CFTR: variants seen among roughly 807,000 people sequenced by gnomAD.
CFTR encodes the protein cystic fibrosis transmembrane conductance regulator.
A neutral mutation model predicts 171.6 loss-of-function variants in CFTR; 181 were observed. The ratio of observed to expected loss-of-function variants is 1.05; its 90% CI spans 0.93 to 1.19. CFTR has a LOEUF of 1.19. Ranked by LOEUF, CFTR falls within the 50% of genes most tolerant of loss-of-function variation. The pLI, the probability that CFTR is intolerant of heterozygous loss-of-function variation, is 0.00. For synonymous variants in CFTR, 583 were observed against 608.0 expected (o/e 0.96, Z 0.60); for missense variants, 1,968 against 1,734.7 (o/e 1.13, Z -2.39).
chr7:117,547,462 A>AG (rs35942697), intron 9 of CFTR, among the ~76,000 whole-genome samples: 1 of 152,016 alleles, frequency 6.6e-6, no homozygotes, highest in Non-Finnish European at 1.5e-5. Flanking sequence ...TGTCAGGAAA[A>AG]GTCTGACTTT....
Position 117,664,715 on chromosome 7 carries a change from T to A in CFTR, c.3991T>A (p.Phe1331Ile), listed in dbSNP as rs1369611499. 6.2e-7 allele frequency: 1 copy of A among 1,613,998 alleles called. No individual in the cohort carries two copies. Among genetic ancestry groups the A allele is most frequent in the Admixed American group, 1.7e-5 (1 of 60,010 alleles). ...EVGLRSVIEQ[F>I]PGKLDFVLVD... Reference sequence around the variant, plus strand: ...TGGGCTCAGATCTGTGATAGAACAGTTTCCTGGGAAGCTTGACTTTGTCCT... The same window carrying A: ...TGGGCTCAGATCTGTGATAGAACAGATTCCTGGGAAGCTTGACTTTGTCCT... The change falls in exon 25 of 27, where the codon TTT becomes ATT. Residue 1331 changes from phenylalanine (F) to isoleucine (I), a missense_variant. Phe to Ile is a conservative substitution (Grantham distance 21, BLOSUM62 0). Coordinates refer to ENST00000003084, the MANE Select transcript of CFTR (RefSeq NM_000492.4).
chr7:117,662,570 A>G (rs1793309472), intron 24 of CFTR, among the ~76,000 whole-genome samples: 1 of 152,210 alleles, frequency 6.6e-6, no homozygotes, highest in South Asian at 2.1e-4. Flanking sequence ...CTCATACACC[A>G]GGTGAGAGAT....
At chr7:117,508,802 G>A (rs1220276536) in intron 2 of CFTR, among the ~76,000 whole-genome samples, 1 of 152,154 alleles carries the variant, frequency 6.6e-6, no homozygotes, top group Non-Finnish European at 1.5e-5. Flanking sequence ...ATACAATGTG[G>A]CCTTTTCATG....
At chr7:117,588,835 T>C (rs1167133441) in intron 12 of CFTR, among the ~76,000 whole-genome samples, 1 of 152,150 alleles carries the variant, frequency 6.6e-6, no homozygotes, top group Non-Finnish European at 1.5e-5. Flanking sequence ...AACCAGGTCC[T>C]TTTGATTCTT....
At chr7:117,480,489 T>C (rs1200440116) in intron 1 of CFTR, among the ~76,000 whole-genome samples, 1 of 152,174 alleles carries the variant, frequency 6.6e-6, no homozygotes, top group Non-Finnish European at 1.5e-5. Context: ...TTATTGGTTT[T>C]CCCCCTTCAT....
At chr7:117,588,004 A>C (rs1395331879) in intron 12 of CFTR, among the ~76,000 whole-genome samples, 171 bp downstream of exon 12, 1 of 152,152 alleles carries the variant, frequency 6.6e-6, no homozygotes, top group African/African-American at 2.4e-5. Flanking sequence ...ATAATGGTAT[A>C]GTATCCAGAT....
chr7:117,648,623 A>C (rs1299831056), intron 23 of CFTR, among the ~76,000 whole-genome samples: 1 of 152,174 alleles, frequency 6.6e-6, no homozygotes, highest in African/African-American at 2.4e-5. Context: ...TTTGCTGCAC[A>C]GTCAGTCCGA....
chr7:117,654,134 G>A (rs1388139145), intron 24 of CFTR, among the ~76,000 whole-genome samples: 1 of 152,168 alleles, frequency 6.6e-6, no homozygotes, highest in East Asian at 1.9e-4. Context: ...TGGCAGGTCT[G>A]TGCTCCAATC....
In CFTR at chr7:117,548,333, GGTGT is replaced by G. The variant is rs3034794; in HGVS notation, c.1210-279_1210-276del. The stretch of plus-strand genomic sequence containing the variant: ...ATGTACCCCGCTTATAGGAGAAGAG[GGTGT>G]GTGTGTGTGTGTGTGTGTGTGTGTG... On this transcript the variant is annotated intron_variant, in intron 9 of 26. Transcript: ENST00000003084. 5.5e-3 allele frequency among the ~76,000 whole-genome samples: 789 copies of G among 144,138 alleles called. 6 individuals carry two copies. Among genetic ancestry groups the G allele is most frequent in the Middle Eastern group, 0.025 (7 of 278 alleles). 94.6% of individuals were successfully genotyped at this position (144,138 alleles called of 152,430 possible). A position where few individuals can be genotyped will look rare whatever the true frequency, so the allele number is the denominator to read the frequency against.
At chr7:117,666,849 T>C in intron 26 of CFTR, 59 bp from the exon 27 acceptor site, 2 of 1,455,736 alleles carry the variant, frequency 1.4e-6, no homozygotes, top group Non-Finnish European at 1.9e-6. Flanking sequence ...CCAGTTTCTG[T>C]CCCTGCTCTG....
chr7:117,522,728 C>T (rs1584781681), intron 3 of CFTR, among the ~76,000 whole-genome samples: 1 of 152,012 alleles, frequency 6.6e-6, no homozygotes, highest in Non-Finnish European at 1.5e-5. Flanking sequence ...CTTTCTTGTA[C>T]CAAGAATATA....
At chr7:117,603,844 G>C (rs560162224) in intron 17 of CFTR, 62 bp downstream of exon 17, 2 of 1,594,126 alleles carry the variant, frequency 1.3e-6, no homozygotes, top group East Asian at 2.2e-5. Flanking sequence ...CTGTGGTTTT[G>C]TTGGTTTTCT....
At chr7:117,497,421 A>G (rs534837946) in intron 1 of CFTR, among the ~76,000 whole-genome samples, 5 of 152,346 alleles carry the variant, frequency 3.3e-5, no homozygotes, top group African/African-American at 1.2e-4. Context: ...TACAGACATA[A>G]TGCTTTATAG....
At chr7:117,565,289 T>C (rs556571153) in intron 11 of CFTR, among the ~76,000 whole-genome samples, 2 of 152,350 alleles carry the variant, frequency 1.3e-5, no homozygotes, top group Admixed American at 6.5e-5. Context: ...GAGATTATAA[T>C]TGTATTTTGT....
intron 17 of CFTR, 50 bp from the exon 18 acceptor site, chr7:117,606,624 C>A (rs758853098): frequency 3.0e-6 from 3 of 988,650 alleles, no homozygotes; most frequent in Non-Finnish European, 4.9e-6. Context: ...ATTGATATAT[C>A]TTTAAAAAAT....
intron 1 of CFTR, among the ~76,000 whole-genome samples, chr7:117,494,322 TA>T (rs1304256091): frequency 1.3e-4 from 20 of 152,030 alleles, no homozygotes; most frequent in Non-Finnish European, 1.9e-4. Flanking sequence ...ATTTAATAAA[TA>T]GTGGTTTTTC....
chr7:117,579,651 G>A (rs1005071718), intron 11 of CFTR, among the ~76,000 whole-genome samples: 15 of 149,278 alleles, frequency 1.0e-4, no homozygotes, highest in African/African-American at 2.9e-4. Flanking sequence ...AGATTTATGC[G>A]TTGTTAGATA....
At chr7:117,502,136 A>G (rs1798342832) in intron 1 of CFTR, among the ~76,000 whole-genome samples, 1 of 152,236 alleles carries the variant, frequency 6.6e-6, no homozygotes, top group Non-Finnish European at 1.5e-5. Context: ...GCAGTCTGCT[A>G]TCTTTTGTTC....
intron 23 of CFTR, among the ~76,000 whole-genome samples, chr7:117,642,898 C>G (rs1792942885): frequency 6.6e-6 from 1 of 152,074 alleles, no homozygotes; most frequent in Non-Finnish European, 1.5e-5. Context: ...AGTGGCCTGA[C>G]CTCCAAGTTA....
Sources: allele counts gnomAD v4.1 joint callset (sites outside exome capture counted in the v4.1 genomes callset), GRCh38; gene constraint gnomAD v4.1.1; transcripts MANE v1.5; gene names NCBI Gene and HGNC (gene_info 2026-07-23, HGNC 2026-07-21).